The following ARRB1 variants were observed in gnomAD, a reference collection of about 807,000 sequenced individuals.
The protein encoded by ARRB1 is beta-arrestin-1.
ARRB1 carries 21 observed loss-of-function variants against 56.8 expected under a neutral mutation model. That is an observed-to-expected ratio of 0.37 (90% CI 0.26 to 0.53). ARRB1 has a LOEUF of 0.53. ARRB1 is among the 20% of genes least tolerant of loss of function. The pLI, the probability that ARRB1 is intolerant of heterozygous loss-of-function variation, is 0.88. For synonymous variants in ARRB1, 210 were observed against 218.6 expected (o/e 0.96, Z 0.35); for missense variants, 424 against 553.7 (o/e 0.77, Z 2.35).
intron 5 of ARRB1, among the ~76,000 whole-genome samples, chr11:75,282,766 C>T (rs1565113782): frequency 6.6e-6 from 1 of 152,244 alleles, no homozygotes; most frequent in African/African-American, 2.4e-5. Context: ...CTCCATGACC[C>T]TCTCCACTCT....
chr11:75,346,811 T>C (rs1186070491), intron 1 of ARRB1, among the ~76,000 whole-genome samples: 1 of 152,316 alleles, frequency 6.6e-6, no homozygotes, highest in South Asian at 2.1e-4. Flanking sequence ...CTATGCGATG[T>C]CATTCATCCA....
intron 7 of ARRB1, 148 bp downstream of exon 7, chr11:75,280,927 C>A (rs987763433): frequency 6.4e-6 from 6 of 935,182 alleles, no homozygotes; most frequent in Non-Finnish European, 9.7e-6. Context: ...TCCGTGACCT[C>A]CCAGCTTCCA....
At chr11:75,304,528 T>C (rs983738918) in intron 1 of ARRB1, among the ~76,000 whole-genome samples, 1 of 152,124 alleles carries the variant, frequency 6.6e-6, no homozygotes, top group Non-Finnish European at 1.5e-5. Flanking sequence ...GTCACATTTT[T>C]AAGAATTTTG....
intron 8 of ARRB1, among the ~76,000 whole-genome samples, chr11:75,278,225 G>T (rs1381687695): frequency 6.6e-6 from 1 of 152,172 alleles, no homozygotes; most frequent in Non-Finnish European, 1.5e-5. Flanking sequence ...AGGGCTTGTC[G>T]CCCTGACGCT....
chr11:75,335,541 C>T (rs1372303401), intron 1 of ARRB1, among the ~76,000 whole-genome samples: 1 of 151,940 alleles, frequency 6.6e-6, no homozygotes, highest in African/African-American at 2.4e-5. Flanking sequence ...GCTATGATCA[C>T]ACTACTGCAC....
At chr11:75,296,120 AG>A (rs1344536708) in intron 1 of ARRB1, among the ~76,000 whole-genome samples, 1 of 138,408 alleles carries the variant, frequency 7.2e-6, no homozygotes, top group African/African-American at 2.7e-5. Context: ...CGGGAGGCAG[AG>A]GTTACAGTAA....
intron 1 of ARRB1, among the ~76,000 whole-genome samples, chr11:75,295,857 C>A (rs1946730446): frequency 6.6e-6 from 1 of 152,140 alleles, no homozygotes; most frequent in South Asian, 2.1e-4. Flanking sequence ...GGGGTTCTTA[C>A]CGGCCACAGG....
intron 1 of ARRB1, among the ~76,000 whole-genome samples, chr11:75,305,023 T>C (rs1425472416): frequency 5.1e-5 from 7 of 136,248 alleles, no homozygotes; most frequent in African/African-American, 1.9e-4. Context: ...TCTTTCTTTT[T>C]TTTTTTTTTT....
chr11:75,319,293 C>T (rs1056914396), intron 1 of ARRB1, among the ~76,000 whole-genome samples: 2 of 152,192 alleles, frequency 1.3e-5, no homozygotes, highest in Non-Finnish European at 2.9e-5. Flanking sequence ...CCACTGCCTG[C>T]GTGCTCTCCA....
At chr11:75,287,194 G>T in intron 3 of ARRB1, 121 bp downstream of exon 3, 1 of 985,280 alleles carries the variant, frequency 1.0e-6, no homozygotes, top group African/African-American at 1.6e-5. Context: ...GCTGCCTGAA[G>T]CAGGAAGCCA....
Position 75,266,099 on chromosome 11 carries a change from G to A in ARRB1, c.*64C>T, listed in dbSNP as rs1206364772. 1.5e-6 allele frequency: 2 copies of A among 1,361,844 alleles called. No homozygotes were observed. The highest frequency in any genetic ancestry group is 1.7e-5 in the Admixed American group (1 of 59,352). The allele number at this position is 1,361,844 out of a possible 1,614,324, so 84.4% of individuals were successfully genotyped here. On this transcript the variant is annotated 3_prime_UTR_variant, in exon 16 of 16. Coordinates refer to ENST00000420843, the MANE Select transcript of ARRB1 (RefSeq NM_004041.5). ...GGAAAAGAAACCAGAACAGGAAGAA[G>A]ACGAGTAAGCATCCGAGTGCACGAG...
chr11:75,321,272 C>CT (rs1947345986), intron 1 of ARRB1, among the ~76,000 whole-genome samples: 1 of 146,218 alleles, frequency 6.8e-6, no homozygotes, highest in African/African-American at 2.6e-5. Flanking sequence ...CTCACCCCCC[C>CT]CCACCACCAT....
intron 1 of ARRB1, among the ~76,000 whole-genome samples, chr11:75,338,973 T>C (rs140930592): frequency 5.3e-4 from 81 of 152,150 alleles, no homozygotes; most frequent in African/African-American, 1.9e-3. Flanking sequence ...CTCCAGAGGC[T>C]GGAAAACTTG....
Position 75,277,457 on chromosome 11 carries a change from C to T in ARRB1, c.619-9G>A, listed in dbSNP as rs1322707228. 1.2e-6 allele frequency: 2 copies of T among 1,613,164 alleles called. No homozygotes were observed. Among genetic ancestry groups the T allele is most frequent in the African/African-American group, 2.7e-5 (2 of 74,864 alleles). Reference sequence around the variant, plus strand: ...TCTCCATGGTAATAGATCTGGGGGGCATAAGAAGGGACGGGGTTGGCTGGG... The same window carrying T: ...TCTCCATGGTAATAGATCTGGGGGGTATAAGAAGGGACGGGGTTGGCTGGG... On this transcript the variant is annotated splice_polypyrimidine_tract_variant and intron_variant, in intron 8 of 15. Transcript: ENST00000420843.
chr11:75,307,842 G>C (rs1053610648), intron 1 of ARRB1, among the ~76,000 whole-genome samples: 1 of 152,232 alleles, frequency 6.6e-6, no homozygotes, highest in Non-Finnish European at 1.5e-5. Flanking sequence ...ATGGCAGGGG[G>C]CAACAGGGGG....
Position 75,260,838 on chromosome 11 carries a change from C to T in ARRB1, c.*5325G>A, listed in dbSNP as rs1945770335. Reference sequence around the variant, plus strand: ...GGGAATCCTGCCCTCAAAGGAGGGACTTTTGTCATAAAATCCTCCCTGAGT... The same window carrying T: ...GGGAATCCTGCCCTCAAAGGAGGGATTTTTGTCATAAAATCCTCCCTGAGT... On this transcript the variant is annotated 3_prime_UTR_variant, in exon 16 of 16. Coordinates refer to ENST00000420843, the MANE Select transcript of ARRB1 (RefSeq NM_004041.5). The T allele has an allele frequency of 6.6e-6, 1 of 152,106 alleles. No individual in the cohort carries two copies. The highest frequency in any genetic ancestry group is 2.1e-4 in the South Asian group (1 of 4,824). 9.4% of individuals were successfully genotyped at this position (152,106 alleles called of 1,614,324 possible). A position where few individuals can be genotyped will look rare whatever the true frequency, so the allele number is the denominator to read the frequency against.
Position 75,264,158 on chromosome 11 carries a change from G to C in ARRB1, c.*2005C>G, listed in dbSNP as rs890638932. On this transcript the variant is annotated 3_prime_UTR_variant, in exon 16 of 16. Coordinates refer to ENST00000420843, the MANE Select transcript of ARRB1 (RefSeq NM_004041.5). ...CCCCAGCTGACTTGGTTCTGGTCTG[G>C]GGAGGGGTCCCTTGGGTTGAGTGGT... The C allele has an allele frequency of 6.6e-6, 1 of 152,240 alleles. No individual in the cohort carries two copies. The highest frequency in any genetic ancestry group is 2.4e-5 in the African/African-American group (1 of 41,456). 9.4% of individuals were successfully genotyped at this position (152,240 alleles called of 1,614,324 possible).
intron 4 of ARRB1, among the ~76,000 whole-genome samples, 179 bp downstream of exon 4, chr11:75,284,056 C>T (rs1752816925): frequency 6.6e-6 from 1 of 152,198 alleles, no homozygotes; most frequent in Admixed American, 6.5e-5. Flanking sequence ...GGGAAACCTT[C>T]TCCCAAAGTA....
At chr11:75,277,910 G>A (rs1946236224) in intron 8 of ARRB1, among the ~76,000 whole-genome samples, 1 of 152,194 alleles carries the variant, frequency 6.6e-6, no homozygotes, top group South Asian at 2.1e-4. Context: ...TAAGCCTCAG[G>A]GTCTCCCTCT....
Sources: allele counts gnomAD v4.1 joint callset (sites outside exome capture counted in the v4.1 genomes callset), GRCh38; gene constraint gnomAD v4.1.1; transcripts MANE v1.5; gene names NCBI Gene and HGNC (gene_info 2026-07-23, HGNC 2026-07-21).